DENND1A: variants seen among roughly 807,000 people sequenced by gnomAD.
DENND1A encodes DENN domain-containing protein 1A.
DENND1A carries 51 observed loss-of-function variants against 113.7 expected under a neutral mutation model. The ratio of observed to expected loss-of-function variants is 0.45; its 90% confidence interval spans 0.36 to 0.57. The LOEUF is 0.57. DENND1A is among the 20% of genes least tolerant of loss of function. DENND1A has a pLI of 0.00. For synonymous variants in DENND1A, 565 were observed against 570.8 expected, an observed-to-expected ratio of 0.99 and a Z score of 0.14; for missense variants, 1,258 against 1,395.9, an observed-to-expected ratio of 0.90 and a Z score of 1.57.
chr9:123,468,623 C>T (rs999286312), intron 13 of DENND1A, among the ~76,000 whole-genome samples: 5 of 152,196 alleles, frequency 3.3e-5, no homozygotes, highest in African/African-American at 9.7e-5. Context: ...GCTGGTCTGA[C>T]GGCTTCTTCT....
At chr9:123,480,799 G>A (rs2050270837) in intron 13 of DENND1A, among the ~76,000 whole-genome samples, 2 of 152,158 alleles carry the variant, frequency 1.3e-5, no homozygotes, top group African/African-American at 4.8e-5. Flanking sequence ...CTGAACACAC[G>A]TGTGTCGAAT....
chr9:123,472,618 G>C (rs992282957), intron 13 of DENND1A, among the ~76,000 whole-genome samples: 3 of 152,082 alleles, frequency 2.0e-5, no homozygotes, highest in Admixed American at 6.5e-5. Flanking sequence ...ATGCCCAGGA[G>C]GCTTCATTCA....
intron 13 of DENND1A, among the ~76,000 whole-genome samples, chr9:123,463,073 C>A (rs994747330): frequency 2.0e-5 from 3 of 152,218 alleles, no homozygotes; most frequent in Non-Finnish European, 4.4e-5. Context: ...TTTAGTTCTA[C>A]GAGGCTGATT....
rs562950665 is a variant in DENND1A at position 123,454,880 on chromosome 9, C to T, written c.1187-101G>A. ...TTTTTTTTTTTGAGATGGAGTCTCA[C>T]GCTGTCTCCCAGACTGGAGTGCAGT... On this transcript the variant is annotated intron_variant, in intron 15 of 23. Coordinates refer to ENST00000394215, the MANE Select transcript of DENND1A (RefSeq NM_001352964.2). 54 of 1,051,862 alleles carry T rather than the reference C, an allele frequency of 5.1e-5. No individual in the cohort carries two copies. The Middle Eastern group carries it at 6.5e-4, about 13-fold the overall frequency. 65.2% of individuals were successfully genotyped at this position (1,051,862 alleles called of 1,614,324 possible).
intron 1 of DENND1A, among the ~76,000 whole-genome samples, chr9:123,919,604 T>C (rs1264349920): frequency 2.7e-5 from 4 of 148,988 alleles, no homozygotes; most frequent in Admixed American, 1.3e-4. Context: ...ATCTGCGGCC[T>C]GGAATGGTGG....
intron 1 of DENND1A, among the ~76,000 whole-genome samples, chr9:123,882,264 G>A (rs1848423957): frequency 6.6e-6 from 1 of 150,854 alleles, no homozygotes; most frequent in African/African-American, 2.4e-5. Flanking sequence ...CAACGCAGGA[G>A]GATTGTTTGA....
intron 13 of DENND1A, among the ~76,000 whole-genome samples, chr9:123,486,105 C>T (rs1201535711): frequency 6.6e-6 from 1 of 152,178 alleles, no homozygotes; most frequent in Non-Finnish European, 1.5e-5. Context: ...TCACTTTTCT[C>T]AGTTCTGTGG....
At chr9:123,419,236 G>A (rs111587878) in intron 19 of DENND1A, among the ~76,000 whole-genome samples, 1,553 of 152,340 alleles carry the variant, frequency 0.01, 13 homozygotes, top group Non-Finnish European at 0.013. Context: ...GGGTGTGCCT[G>A]ATGGCAGCTG....
At chr9:123,483,812 G>A (rs949368315) in intron 13 of DENND1A, among the ~76,000 whole-genome samples, 1 of 152,218 alleles carries the variant, frequency 6.6e-6, no homozygotes, top group South Asian at 2.1e-4. Context: ...GAGTTGCTGC[G>A]AGGCACAGAC....
chr9:123,595,920 C>A (rs756192495), intron 11 of DENND1A, among the ~76,000 whole-genome samples: 1 of 152,154 alleles, frequency 6.6e-6, no homozygotes, highest in African/African-American at 2.4e-5. Flanking sequence ...CCATCCAGAA[C>A]GGAGTGGGGA....
chr9:123,715,120 G>A (rs1172941062), intron 5 of DENND1A, among the ~76,000 whole-genome samples: 1 of 151,902 alleles, frequency 6.6e-6, no homozygotes, highest in African/African-American at 2.4e-5. Flanking sequence ...GGAGGTGGAG[G>A]TTGCAGTGAG....
chr9:123,432,782 A>G (rs2046232205), intron 19 of DENND1A, among the ~76,000 whole-genome samples: 1 of 152,192 alleles, frequency 6.6e-6, no homozygotes, highest in Non-Finnish European at 1.5e-5. Flanking sequence ...CCTGCCCCAT[A>G]GCCCCTTCTT....
intron 13 of DENND1A, among the ~76,000 whole-genome samples, chr9:123,556,549 A>C (rs2057424887): frequency 6.6e-6 from 1 of 152,196 alleles, no homozygotes; most frequent in South Asian, 2.1e-4. Context: ...ATCTAATTAA[A>C]TGCTATAGGT....
chr9:123,423,387 T>A (rs1218693248), intron 19 of DENND1A, among the ~76,000 whole-genome samples: 1 of 152,184 alleles, frequency 6.6e-6, no homozygotes, highest in Non-Finnish European at 1.5e-5. Flanking sequence ...TCGGCGCTCA[T>A]CAGCCTTCTG....
chr9:123,807,597 C>T (rs1172321403), intron 2 of DENND1A, among the ~76,000 whole-genome samples: 1 of 152,238 alleles, frequency 6.6e-6, no homozygotes, highest in African/African-American at 2.4e-5. Context: ...GCACCACAGA[C>T]TTCAAGCACA....
At chr9:123,573,390 A>C (rs1162199367) in intron 12 of DENND1A, among the ~76,000 whole-genome samples, 1 of 152,142 alleles carries the variant, frequency 6.6e-6, no homozygotes, top group Non-Finnish European at 1.5e-5. Context: ...TAACATCTTA[A>C]AAATATTGAG....
At chr9:123,776,349 G>A (rs988496825) in intron 3 of DENND1A, among the ~76,000 whole-genome samples, 1 of 152,004 alleles carries the variant, frequency 6.6e-6, no homozygotes, top group African/African-American at 2.4e-5. Flanking sequence ...AGTACCTAAA[G>A]GTCTAAAAAT....
chr9:123,700,317 A>G (rs999991287), intron 5 of DENND1A, among the ~76,000 whole-genome samples: 3 of 152,238 alleles, frequency 2.0e-5, no homozygotes, highest in African/African-American at 7.2e-5. Context: ...CATTGACTCT[A>G]TAGATCAATT....
chr9:123,607,172 T>G (rs970804748), intron 11 of DENND1A, among the ~76,000 whole-genome samples: 3 of 152,120 alleles, frequency 2.0e-5, no homozygotes, highest in Non-Finnish European at 2.9e-5. Context: ...CTGAACTTTA[T>G]ATTCATCTCC....
Sources: gnomAD v4.1 joint callset for allele counts (sites outside exome capture counted in the v4.1 genomes callset) on GRCh38, gnomAD v4.1.1 for gene constraint, MANE v1.5 for transcripts, NCBI Gene and HGNC (gene_info 2026-07-23, HGNC 2026-07-21) for gene names.